Variants in DAB1 observed in about 807,000 individuals in gnomAD.
The protein encoded by DAB1 is DAB adaptor protein 1.
Under a neutral mutation model 64.6 loss-of-function variants are expected in DAB1, and 15 were observed. The observed-to-expected ratio is 0.23, with a 90% CI of 0.16 to 0.36. The LOEUF (loss-of-function observed/expected upper bound fraction) is 0.36, where lower values mean the gene tolerates loss of function less well. DAB1 is among the 10% of genes least tolerant of loss of function. The pLI is 1.00. For missense variants in DAB1, 596 were observed against 706.7 expected (o/e 0.84, Z 1.78); for synonymous variants, 235 against 251.9 (o/e 0.93, Z 0.64).
chr1:57,073,285 A>G (rs1171717617), intron 4 of DAB1, among the ~76,000 whole-genome samples: 1 of 151,898 alleles, frequency 6.6e-6, no homozygotes, highest in Non-Finnish European at 1.5e-5. Flanking sequence ...TGTCTTTCCC[A>G]CCCGGTTCTG....
At position 58,104,102 on chromosome 1, in the gene DAB1, C is replaced by T. The variant is rs532485128; in HGVS notation, n.387+46409G>A. On this transcript the variant is annotated intron_variant and non_coding_transcript_variant, in intron 5 of 20. Coordinates refer to the DAB1 transcript ENST00000485760. ...GGATTCTCCAACAGCTGCTAAGAAA[C>T]CTGTCCCTGTTTCATCACATACATA... 6.6e-5 allele frequency among the ~76,000 whole-genome samples: 10 copies of T among 152,286 alleles called. No homozygotes were observed. In the South Asian group the frequency reaches 2.1e-3, roughly 32 times the overall value.
At chr1:58,357,001 G>T (rs1225431574) in intron 3 of DAB1, among the ~76,000 whole-genome samples, 2 of 142,168 alleles carry the variant, frequency 1.4e-5, no homozygotes, top group African/African-American at 5.2e-5. Context: ...ACTCCATCCT[G>T]GGCAACAGAA....
intron 4 of DAB1, among the ~76,000 whole-genome samples, chr1:57,097,466 T>A (rs1654267135): frequency 6.6e-6 from 1 of 152,190 alleles, no homozygotes; most frequent in African/African-American, 2.4e-5. Context: ...CACTTTGGCC[T>A]GGAAGTGATG....
chr1:57,472,870 T>A (rs921838549), intron 7 of DAB1, among the ~76,000 whole-genome samples: 14 of 152,194 alleles, frequency 9.2e-5, no homozygotes, highest in African/African-American at 3.4e-4. Flanking sequence ...CCTTTATATT[T>A]ATGGTGCACA....
intron 3 of DAB1, among the ~76,000 whole-genome samples, chr1:58,391,245 A>C (rs552055897): frequency 6.6e-6 from 1 of 152,310 alleles, no homozygotes; most frequent in South Asian, 2.1e-4. Flanking sequence ...CTGGAGGAAA[A>C]GGCTACTCAG....
chr1:57,921,513 C>T (rs928602749), intron 5 of DAB1, among the ~76,000 whole-genome samples: 1 of 152,076 alleles, frequency 6.6e-6, no homozygotes, highest in African/African-American at 2.4e-5. Context: ...AAGTGGCAGC[C>T]CAGGCCACAA....
At chr1:57,763,781 G>A (rs1385532325) in intron 6 of DAB1, among the ~76,000 whole-genome samples, 1 of 152,158 alleles carries the variant, frequency 6.6e-6, no homozygotes, top group African/African-American at 2.4e-5. Flanking sequence ...TGAATCCCCT[G>A]TACAGTAAGC....
Position 57,157,816 on chromosome 1 carries a change from T to C in DAB1, c.68-12387A>G, listed in dbSNP as rs141302089. 3.8e-3 allele frequency among the ~76,000 whole-genome samples: 577 copies of C among 152,286 alleles called. 6 individuals are homozygous for C. Among genetic ancestry groups the C allele is most frequent in the Non-Finnish European group, 5.5e-3 (374 of 68,024 alleles). On this transcript the variant is annotated intron_variant, in intron 2 of 14. Transcript: ENST00000371236. ...TAGGAAGGAGATGTGAAAAGCTGAA[T>C]GCTACCTGAGAAATGAGCATGCCTG...
intron 5 of DAB1, among the ~76,000 whole-genome samples, chr1:57,923,301 T>C (rs1394005508): frequency 6.6e-6 from 1 of 152,170 alleles, no homozygotes; most frequent in African/African-American, 2.4e-5. Context: ...CAACGTGTGT[T>C]ATGTATATTA....
At chr1:57,752,109 G>C (rs1411461897) in intron 6 of DAB1, among the ~76,000 whole-genome samples, 1 of 152,168 alleles carries the variant, frequency 6.6e-6, no homozygotes, top group African/African-American at 2.4e-5. Context: ...CAGAGTTCAG[G>C]CGCGGATTCA....
chr1:57,157,805 G>A (rs1361142057), intron 2 of DAB1, among the ~76,000 whole-genome samples: 1 of 152,208 alleles, frequency 6.6e-6, no homozygotes, highest in Non-Finnish European at 1.5e-5. Context: ...AAGGAGATGT[G>A]AAAAGCTGAA....
intron 6 of DAB1, among the ~76,000 whole-genome samples, chr1:57,727,832 C>T (rs1461946136): frequency 2.0e-5 from 3 of 151,588 alleles, no homozygotes; most frequent in East Asian, 1.9e-4. Context: ...TTAATTCCTA[C>T]ATTTAACTCT....
At chr1:57,628,985 G>A (rs999526748) in intron 7 of DAB1, among the ~76,000 whole-genome samples, 7 of 152,070 alleles carry the variant, frequency 4.6e-5, no homozygotes, top group Admixed American at 1.3e-4. Flanking sequence ...TTAATTAGCC[G>A]CCTATTTGAT....
chr1:57,667,223 C>A (rs142211744), intron 6 of DAB1, among the ~76,000 whole-genome samples: 2 of 152,208 alleles, frequency 1.3e-5, no homozygotes, highest in African/African-American at 4.8e-5. Context: ...GGAGGATCTT[C>A]CCTGATTACC....
chr1:57,897,835 C>T (rs1644415322), intron 5 of DAB1, among the ~76,000 whole-genome samples: 1 of 152,152 alleles, frequency 6.6e-6, no homozygotes, highest in African/African-American at 2.4e-5. Context: ...GGGGAAGTGG[C>T]TTGCCAGCAG....
intron 7 of DAB1, among the ~76,000 whole-genome samples, chr1:57,527,142 C>A (rs928880384): frequency 7.9e-5 from 12 of 152,104 alleles, no homozygotes; most frequent in Admixed American, 4.6e-4. Context: ...TCTGCAAAAG[C>A]CCACTTTATT....
intron 5 of DAB1, among the ~76,000 whole-genome samples, chr1:58,125,890 C>T (rs1653041620): frequency 6.6e-6 from 1 of 152,040 alleles, no homozygotes; most frequent in African/African-American, 2.4e-5. Context: ...AGTATCACTC[C>T]ACTCATGCTT....
rs200514890 is a variant in DAB1 at position 57,998,391 on chromosome 1, T to C, written n.388-114229A>G. 0.012 allele frequency among the ~76,000 whole-genome samples: 529 copies of C among 45,064 alleles called. 19 individuals are homozygous for C. The East Asian group carries it at 0.36, about 31-fold the overall frequency. The allele number at this position is 45,064 out of a possible 152,430, so 29.6% of individuals were successfully genotyped here. On this transcript the variant is annotated intron_variant and non_coding_transcript_variant, in intron 5 of 20. Transcript: ENST00000485760. ...GAGTCCTCATCTTTTTTTTCTCTCT[T>C]TTTTTTTTTTTTTTTTTGAGACAGA...
chr1:57,934,063 T>TTGTGTGTGTGTG (rs55848780), intron 5 of DAB1, among the ~76,000 whole-genome samples: 10,646 of 127,942 alleles, frequency 0.083, 637 homozygotes, highest in Admixed American at 0.1. Flanking sequence ...GCCCAGCTAA[T>TTGTGTGTGTGTG]TGTGTGTGTG....
Sources: allele counts gnomAD v4.1 joint callset (sites outside exome capture counted in the v4.1 genomes callset), GRCh38; gene constraint gnomAD v4.1.1; transcripts MANE v1.5; gene names NCBI Gene and HGNC (gene_info 2026-07-23, HGNC 2026-07-21).